Variants in AK5 observed in about 807,000 individuals in gnomAD.
AK5 encodes adenylate kinase isoenzyme 5.
Under a neutral mutation model 69.5 loss-of-function variants are expected in AK5, and 27 were observed. That is an observed-to-expected ratio of 0.39 (90% CI 0.29 to 0.54). The LOEUF is 0.54. AK5 is among the 20% of genes least tolerant of loss of function. The pLI is 0.71. For synonymous variants in AK5, 260 were observed against 244.4 expected (o/e 1.06, Z -0.60); for missense variants, 531 against 700.4 (o/e 0.76, Z 2.73).
chr1:77,295,752 C>T (rs934797418), intron 3 of AK5, among the ~76,000 whole-genome samples: 14 of 152,070 alleles, frequency 9.2e-5, no homozygotes, highest in Non-Finnish European at 2.1e-4. Flanking sequence ...CTCGATTGTT[C>T]ATGAAAATGG....
intron 8 of AK5, among the ~76,000 whole-genome samples, chr1:77,423,597 C>A (rs911931273): frequency 6.6e-6 from 1 of 151,950 alleles, no homozygotes; most frequent in Admixed American, 6.6e-5. Context: ...TCACAACTTA[C>A]CCAAACAGAA....
chr1:77,362,097 G>T (rs554036865), intron 6 of AK5, among the ~76,000 whole-genome samples: 1 of 152,170 alleles, frequency 6.6e-6, no homozygotes, highest in East Asian at 1.9e-4. Context: ...CACATATGGT[G>T]CTTAGAACAG....
intron 8 of AK5, among the ~76,000 whole-genome samples, chr1:77,427,774 T>C (rs140879171): frequency 2.0e-5 from 3 of 152,366 alleles, no homozygotes; most frequent in African/African-American, 7.2e-5. Flanking sequence ...CTTGAAGCTT[T>C]CCTGCTTTTC....
At chr1:77,481,503 TAAG>T (rs571887968) in intron 8 of AK5, among the ~76,000 whole-genome samples, 33 of 152,278 alleles carry the variant, frequency 2.2e-4, no homozygotes, top group South Asian at 2.1e-4. Flanking sequence ...CAGGCAACTC[TAAG>T]AAGATGAGCA....
At chr1:77,552,496 C>T (rs1659870826) in intron 13 of AK5, among the ~76,000 whole-genome samples, 1 of 152,108 alleles carries the variant, frequency 6.6e-6, no homozygotes, top group African/African-American at 2.4e-5. Context: ...TGAATTGCAA[C>T]AAGTAAATGG....
chr1:77,517,651 A>G (rs1356318306), intron 10 of AK5, among the ~76,000 whole-genome samples: 9 of 152,206 alleles, frequency 5.9e-5, no homozygotes, highest in East Asian at 5.8e-4. Context: ...ATGACATACT[A>G]TTATGAAAGG....
chr1:77,439,002 C>T (rs1356808862), intron 8 of AK5, among the ~76,000 whole-genome samples: 1 of 152,058 alleles, frequency 6.6e-6, no homozygotes, highest in Non-Finnish European at 1.5e-5. Flanking sequence ...TTCTCCAGGA[C>T]CAAAAAGGCG....
At chr1:77,476,759 G>A (rs1654960847) in intron 8 of AK5, among the ~76,000 whole-genome samples, 1 of 152,092 alleles carries the variant, frequency 6.6e-6, no homozygotes, top group Non-Finnish European at 1.5e-5. Flanking sequence ...CTGAAAAATG[G>A]GAAACATCAA....
chr1:77,493,237 C>T (rs1306958558), intron 10 of AK5, among the ~76,000 whole-genome samples: 1 of 152,076 alleles, frequency 6.6e-6, no homozygotes, highest in Non-Finnish European at 1.5e-5. Flanking sequence ...TGTTCTGGCT[C>T]AGCTAGAACA....
chr1:77,389,691 A>T (rs1648284176), intron 6 of AK5, among the ~76,000 whole-genome samples: 1 of 152,210 alleles, frequency 6.6e-6, no homozygotes, highest in African/African-American at 2.4e-5. Flanking sequence ...GCTGGGCACG[A>T]TGGCTCATGC....
chr1:77,298,772 G>A (rs879527103), intron 5 of AK5, among the ~76,000 whole-genome samples: 8 of 152,036 alleles, frequency 5.3e-5, no homozygotes, highest in Non-Finnish European at 1.2e-4. Flanking sequence ...GGACATCAAG[G>A]CTGCAGTGAG....
chr1:77,456,850 A>G (rs1396889937), intron 8 of AK5, among the ~76,000 whole-genome samples: 1 of 150,882 alleles, frequency 6.6e-6, no homozygotes, highest in Non-Finnish European at 1.5e-5. Flanking sequence ...TCATTCTAGT[A>G]TCTGGGGTCT....
At chr1:77,289,856 C>T (rs1658581030) in intron 2 of AK5, among the ~76,000 whole-genome samples, 1 of 104,364 alleles carries the variant, frequency 9.6e-6, no homozygotes, top group African/African-American at 4.0e-5. Flanking sequence ...CAGAGAGACT[C>T]CGTCTCAAAA....
chr1:77,310,853 CACT>C (rs1659911384), intron 5 of AK5, among the ~76,000 whole-genome samples: 1 of 152,016 alleles, frequency 6.6e-6, no homozygotes, highest in Admixed American at 6.5e-5. Context: ...ATTGTCATGT[CACT>C]CTGTTTATTC....
rs532161056 is a variant in AK5 at position 77,466,663 on chromosome 1, G to A, written c.1060-16654G>A. Among the ~76,000 whole-genome samples the A allele has an allele frequency of 5.3e-5, 8 of 152,318 alleles. No individual in the cohort carries two copies. In the South Asian group the frequency reaches 1.7e-3, roughly 32 times the overall value. On this transcript the variant is annotated intron_variant, in intron 8 of 13. Coordinates refer to ENST00000354567, the MANE Select transcript of AK5 (RefSeq NM_174858.3). Reference sequence around the variant, plus strand: ...TTAATCCTCACACTTCTGGAGTCTGGAAACCAAGATCAAGGTGCCAGCATC... The same window carrying A: ...TTAATCCTCACACTTCTGGAGTCTGAAAACCAAGATCAAGGTGCCAGCATC...
At chr1:77,360,719 G>A (rs910924373) in intron 6 of AK5, among the ~76,000 whole-genome samples, 2 of 152,158 alleles carry the variant, frequency 1.3e-5, no homozygotes, top group Non-Finnish European at 2.9e-5. Flanking sequence ...GCTGGATGAA[G>A]GTACACATTT....
chr1:77,455,825 G>A (rs1386606972), intron 8 of AK5, among the ~76,000 whole-genome samples: 1 of 152,118 alleles, frequency 6.6e-6, no homozygotes, highest in Non-Finnish European at 1.5e-5. Flanking sequence ...GTTAGGTTTT[G>A]AAATCTCCCC....
chr1:77,387,489 C>G (rs574913152), intron 6 of AK5, among the ~76,000 whole-genome samples: 1 of 152,310 alleles, frequency 6.6e-6, no homozygotes, highest in Non-Finnish European at 1.5e-5. Flanking sequence ...ACTAAGTTGA[C>G]AAGGCCAAGC....
At chr1:77,504,479 T>C (rs1312953942) in intron 10 of AK5, among the ~76,000 whole-genome samples, 2 of 152,042 alleles carry the variant, frequency 1.3e-5, no homozygotes, top group African/African-American at 2.4e-5. Context: ...AATGAGATCA[T>C]ATAATTTAAA....
Sources: gnomAD v4.1 joint callset for allele counts (sites outside exome capture counted in the v4.1 genomes callset) on GRCh38, gnomAD v4.1.1 for gene constraint, MANE v1.5 for transcripts, NCBI Gene and HGNC (gene_info 2026-07-23, HGNC 2026-07-21) for gene names.